ARHGAP44: variants seen among roughly 807,000 people sequenced by gnomAD.
ARHGAP44 encodes rho GTPase-activating protein 44.
A neutral mutation model predicts 106.8 loss-of-function variants in ARHGAP44; 43 were observed. That is an observed-to-expected ratio of 0.40 (90% CI 0.32 to 0.52). The LOEUF is 0.52. ARHGAP44 is among the 20% of genes least tolerant of loss of function. The pLI, the probability that ARHGAP44 is intolerant of heterozygous loss-of-function variation, is 0.48. For synonymous variants in ARHGAP44, 439 were observed against 410.3 expected (o/e 1.07, Z -0.85); for missense variants, 866 against 1,050.5 (o/e 0.82, Z 2.43).
At chr17:12,937,833 G>A (rs2038590902) in intron 7 of ARHGAP44, among the ~76,000 whole-genome samples, 1 of 152,128 alleles carries the variant, frequency 6.6e-6, no homozygotes, top group Admixed American at 6.5e-5. Flanking sequence ...AGGCGTGGTG[G>A]CTCACACCTG....
chr17:12,896,650 A>G, intron 3 of ARHGAP44, 139 bp downstream of exon 3: 1 of 742,380 alleles, frequency 1.3e-6, no homozygotes, highest in Non-Finnish European at 2.2e-6. Flanking sequence ...CTAGCTGCCT[A>G]TTTTCTGTTT....
At chr17:12,801,659 G>A (rs1303064066) in intron 1 of ARHGAP44, among the ~76,000 whole-genome samples, 1 of 152,146 alleles carries the variant, frequency 6.6e-6, no homozygotes, top group African/African-American at 2.4e-5. Flanking sequence ...ATGTCTAAGG[G>A]CCGAGAGACA....
chr17:12,947,335 A>G lies in ARHGAP44; in HGVS notation c.862-1805A>G, dbSNP rs564081342. ...TAATGTAACCATCCTCGAAACTTCT[A>G]GTTCCTTTGGCCCTCTGGTTCCCTC... is the stretch of plus-strand genomic sequence containing the variant. On this transcript the variant is annotated intron_variant, in intron 10 of 20. Transcript: ENST00000379672. Among the ~76,000 whole-genome samples the G allele has an allele frequency of 1.4e-4, 22 of 152,222 alleles. 1 individual carries two copies. The South Asian group carries it at 4.4e-3, about 30-fold the overall frequency.
At chr17:12,836,434 T>C (rs1458053800) in intron 1 of ARHGAP44, among the ~76,000 whole-genome samples, 1 of 151,542 alleles carries the variant, frequency 6.6e-6, no homozygotes, top group East Asian at 2.0e-4. Context: ...GATCACCTGA[T>C]GTCAGGAGTT....
At chr17:12,921,553 C>T (rs530431367) in intron 6 of ARHGAP44, among the ~76,000 whole-genome samples, 3 of 152,162 alleles carry the variant, frequency 2.0e-5, no homozygotes, top group Admixed American at 2.0e-4. Context: ...CACTGTGTTG[C>T]GCAGGCTAGT....
intron 1 of ARHGAP44, among the ~76,000 whole-genome samples, chr17:12,795,411 T>G (rs1305173121): frequency 6.6e-6 from 1 of 152,210 alleles, no homozygotes; most frequent in Non-Finnish European, 1.5e-5. Context: ...TGTCTAGATT[T>G]CCTGCAGAAT....
In ARHGAP44 at chr17:12,990,834, TATATC is replaced by T. The variant is rs1310185969; in HGVS notation, c.*666_*670del. On this transcript the variant is annotated 3_prime_UTR_variant, in exon 21 of 21. Coordinates refer to ENST00000379672, the MANE Select transcript of ARHGAP44 (RefSeq NM_014859.6). Reference sequence around the variant, plus strand: ...TTTCCACTGTGTGACTGAAAGCTCCTATATCATTTTATATTTCTGAATCTATAAAA... The same window carrying T: ...TTTCCACTGTGTGACTGAAAGCTCCTATTTTATATTTCTGAATCTATAAAA... The T allele has an allele frequency of 6.6e-6, 1 of 152,264 alleles. No homozygotes were observed. Among genetic ancestry groups the T allele is most frequent in the African/African-American group, 2.4e-5 (1 of 41,460 alleles). The allele number at this position is 152,264 out of a possible 1,614,324, so 9.4% of individuals were successfully genotyped here.
intron 1 of ARHGAP44, among the ~76,000 whole-genome samples, chr17:12,822,094 G>C (rs2034787148): frequency 6.6e-6 from 1 of 152,148 alleles, no homozygotes; most frequent in African/African-American, 2.4e-5. Flanking sequence ...TGGTCAAGGA[G>C]GGCTACAATA....
intron 1 of ARHGAP44, among the ~76,000 whole-genome samples, chr17:12,878,587 G>A (rs2036627128): frequency 6.6e-6 from 1 of 152,146 alleles, no homozygotes; most frequent in Non-Finnish European, 1.5e-5. Context: ...ACAAAGATGA[G>A]ACCTAAAATA....
chr17:12,802,950 TA>T (rs1567621256), intron 1 of ARHGAP44, among the ~76,000 whole-genome samples: 875 of 30,900 alleles, frequency 0.028, 122 homozygotes, highest in African/African-American at 0.12. Flanking sequence ...TATATATATA[TA>T]TATATATATA....
At chr17:12,913,900 T>G (rs1598044477) in intron 4 of ARHGAP44, among the ~76,000 whole-genome samples, 1 of 138,848 alleles carries the variant, frequency 7.2e-6, no homozygotes, top group Non-Finnish European at 1.5e-5. Flanking sequence ...ACCCGGGAGG[T>G]GGAGTTTGTG....
chr17:12,899,474 C>T (rs1003941), intron 3 of ARHGAP44, among the ~76,000 whole-genome samples: 22,018 of 152,062 alleles, frequency 0.14, 2,461 homozygotes, highest in East Asian at 0.34. Flanking sequence ...TAATAGGAAA[C>T]GTGACACTTA....
At chr17:12,955,780 G>T in intron 13 of ARHGAP44, 87 bp from the exon 14 acceptor site, 1 of 743,648 alleles carries the variant, frequency 1.3e-6, no homozygotes, top group South Asian at 1.7e-5. Context: ...TGAGATATGT[G>T]ACATGAGAGA....
intron 3 of ARHGAP44, among the ~76,000 whole-genome samples, chr17:12,904,372 C>T (rs1172151160): frequency 6.6e-6 from 1 of 152,202 alleles, no homozygotes; most frequent in Non-Finnish European, 1.5e-5. Context: ...TCCCAAAGCT[C>T]TGGGATTACA....
At chr17:12,866,259 C>T (rs2036236409) in intron 1 of ARHGAP44, among the ~76,000 whole-genome samples, 1 of 152,136 alleles carries the variant, frequency 6.6e-6, no homozygotes, top group African/African-American at 2.4e-5. Context: ...GGGTAAATTG[C>T]CCTACAACAG....
At chr17:12,860,099 A>G (rs1326097496) in intron 1 of ARHGAP44, among the ~76,000 whole-genome samples, 1 of 118,438 alleles carries the variant, frequency 8.4e-6, no homozygotes, top group Non-Finnish European at 1.7e-5. Flanking sequence ...GCATGCCCAC[A>G]AGTGAGTTAC....
At chr17:12,806,634 A>G (rs2034282122) in intron 1 of ARHGAP44, among the ~76,000 whole-genome samples, 1 of 152,200 alleles carries the variant, frequency 6.6e-6, no homozygotes, top group Non-Finnish European at 1.5e-5. Flanking sequence ...ATGAGCATGG[A>G]TTCTGATGTC....
At chr17:12,910,364 A>G (rs763802703) in intron 4 of ARHGAP44, among the ~76,000 whole-genome samples, 2 of 150,404 alleles carry the variant, frequency 1.3e-5, no homozygotes, top group Non-Finnish European at 3.0e-5. Context: ...AAGCAAATAA[A>G]TTTTATTAAA....
At chr17:12,902,699 G>A (rs954968946) in intron 3 of ARHGAP44, among the ~76,000 whole-genome samples, 3 of 152,152 alleles carry the variant, frequency 2.0e-5, no homozygotes, top group African/African-American at 7.2e-5. Context: ...GGAATCTGAC[G>A]ACCCAAGGGT....
Sources: gnomAD v4.1 joint callset for allele counts (sites outside exome capture counted in the v4.1 genomes callset) on GRCh38, gnomAD v4.1.1 for gene constraint, MANE v1.5 for transcripts, NCBI Gene and HGNC (gene_info 2026-07-23, HGNC 2026-07-21) for gene names.